The following ARMH1 variants were observed in gnomAD, a reference collection of about 807,000 sequenced individuals.
ARMH1 encodes the protein armadillo-like helical domain containing protein 1.
A neutral mutation model predicts 50.2 loss-of-function variants in ARMH1; 34 were observed. The observed-to-expected ratio is 0.68, with a 90% CI of 0.51 to 0.90. ARMH1 has a LOEUF of 0.90. ARMH1 is among the 40% of genes least tolerant of loss of function. The probability of loss-of-function intolerance (pLI) is 0.00; values close to 1 mark genes in which losing one functional copy is unlikely to be tolerated. For synonymous variants in ARMH1, 221 were observed against 224.2 expected (o/e 0.99, Z 0.13); for missense variants, 538 against 553.9 (o/e 0.97, Z 0.29).
In ARMH1 at chr1:44,704,068, T is replaced by C. The variant is rs755600906; in HGVS notation, c.640-21T>C. 6.5e-6 allele frequency: 10 copies of C among 1,536,446 alleles called. No homozygotes were observed. The South Asian group carries it at 1.2e-4, about 18-fold the overall frequency. On this transcript the variant is annotated intron_variant, in intron 5 of 11. Transcript: ENST00000535358. ...AAAAAAAAAAAGACTAACCACCTTG[T>C]CCTGTTGTCTGTCTGGTCAGCCAAT... is the stretch of plus-strand genomic sequence containing the variant.
At chr1:44,706,628 C>A (rs546322560) in intron 6 of ARMH1, among the ~76,000 whole-genome samples, 1 of 152,304 alleles carries the variant, frequency 6.6e-6, no homozygotes, top group East Asian at 1.9e-4. Flanking sequence ...GCATGTTATT[C>A]CTTCAGCAAC....
rs1419439771 is a variant in ARMH1 at position 44,725,326 on chromosome 1, ACT to A, written c.1251_1252del (p.Tyr418TrpfsTer80). The A allele has an allele frequency of 9.0e-6, 14 of 1,551,398 alleles. No individual in the cohort carries two copies. Among genetic ancestry groups the A allele is most frequent in the African/African-American group, 4.1e-5 (3 of 72,958 alleles). On this transcript the variant is annotated frameshift_variant, in exon 12 of 12. Transcript: ENST00000535358. LOFTEE classifies it low-confidence loss of function (END_TRUNC). ...CCATGGCAGCTCCTACAGCATGAAC[ACT>A]CTCTATGGCTCGCGCGATTCGGCTC... ...CLHGSSYSMNTLYGSRDSAQM... is the reference protein window; with the variant it reads ...CLHGSSYSMNXLYGSRDSAQM...
intron 1 of ARMH1, among the ~76,000 whole-genome samples, chr1:44,685,168 C>T (rs557074301): frequency 6.6e-6 from 1 of 152,260 alleles, no homozygotes; most frequent in South Asian, 2.1e-4. Context: ...TTAAAAAAGA[C>T]CTTCACCAAA....
At chr1:44,690,576 T>C (rs1645628428) in intron 2 of ARMH1, among the ~76,000 whole-genome samples, 1 of 152,208 alleles carries the variant, frequency 6.6e-6, no homozygotes, top group Non-Finnish European at 1.5e-5. Context: ...TCAGCATTTA[T>C]ATATGCTGAA....
chr1:44,701,657 A>G (rs1049051899), intron 5 of ARMH1, among the ~76,000 whole-genome samples: 1 of 152,158 alleles, frequency 6.6e-6, no homozygotes, highest in Admixed American at 6.5e-5. Flanking sequence ...GACCGGGTGC[A>G]GTGGCTCAGG....
chr1:44,723,845 G>T (rs1193795888), intron 6 of ARMH1: 1 of 377,802 alleles, frequency 2.6e-6, no homozygotes, highest in East Asian at 4.7e-5. Flanking sequence ...TTCCTCCAAG[G>T]CGAAGGCCCC....
intron 6 of ARMH1, among the ~76,000 whole-genome samples, chr1:44,706,020 A>T (rs371748251): frequency 6.6e-6 from 1 of 152,186 alleles, no homozygotes; most frequent in East Asian, 1.9e-4. Flanking sequence ...TGTCTAGGAA[A>T]GGTAGGCTAG....
chr1:44,707,565 G>T (rs1467221885), intron 6 of ARMH1, among the ~76,000 whole-genome samples: 1 of 152,106 alleles, frequency 6.6e-6, no homozygotes, highest in African/African-American at 2.4e-5. Flanking sequence ...AAGTAGCTGG[G>T]ACTACAGGCA....
At chr1:44,700,841 TC>T in intron 4 of ARMH1, 81 bp from the exon 5 acceptor site, 2 of 1,242,488 alleles carry the variant, frequency 1.6e-6, no homozygotes, top group Non-Finnish European at 2.2e-6. Flanking sequence ...GAGCTTTTAA[TC>T]CTATTCATAT....
chr1:44,711,151 A>G (rs1264511402), intron 6 of ARMH1, among the ~76,000 whole-genome samples: 4 of 152,204 alleles, frequency 2.6e-5, no homozygotes, highest in African/African-American at 2.4e-5. Flanking sequence ...CAGTGCTTCT[A>G]TGAACATCCA....
In ARMH1 at chr1:44,712,194, C is replaced by T. The variant is rs1646640475; in HGVS notation, c.724+8021C>T. Among the ~76,000 whole-genome samples the T allele has an allele frequency of 2.0e-5, 3 of 152,176 alleles. No homozygotes were observed. The South Asian group carries it at 6.2e-4, about 32-fold the overall frequency. ...TGAGACCTGGCTGGGCGCAGGGGCT[C>T]TCACCTGTAATCCCAGAACTTTGGG... On this transcript the variant is annotated intron_variant, in intron 6 of 11. Transcript: ENST00000535358.
At chr1:44,692,342 C>G (rs943259142) in intron 2 of ARMH1, among the ~76,000 whole-genome samples, 9 of 152,146 alleles carry the variant, frequency 5.9e-5, no homozygotes, top group Admixed American at 2.0e-4. Context: ...CTCAGGAAGC[C>G]CATTTCTGAG....
In ARMH1 at chr1:44,701,000, T is replaced by C; in HGVS notation, c.520T>C (p.Ser174Pro). Reference sequence around the variant, plus strand: ...GGAGGAAGTGCAGGTTCTGTTGGATTCTTTGGTCCACGGCAATCCCAAGTA... The same window carrying C: ...GGAGGAAGTGCAGGTTCTGTTGGATCCTTTGGTCCACGGCAATCCCAAGTA... The part of the protein sequence containing the change: ...TQEEVQVLLD[S>P]LVHGNPKYQN... Residue 174 changes from serine (S) to proline (P), a missense_variant, in exon 5 of 12, where the codon TCT becomes CCT. Ser to Pro is a moderately conservative substitution (Grantham distance 74). Coordinates refer to ENST00000535358, the MANE Select transcript of ARMH1 (RefSeq NM_001145636.2). 6.4e-7 allele frequency: 1 copy of C among 1,551,696 alleles called. No individual in the cohort carries two copies. The highest frequency in any genetic ancestry group is 8.7e-7 in the Non-Finnish European group (1 of 1,146,992).
At chr1:44,675,356 G>C (rs1270259724) in intron 1 of ARMH1, among the ~76,000 whole-genome samples, 1 of 152,142 alleles carries the variant, frequency 6.6e-6, no homozygotes, top group East Asian at 1.9e-4. Context: ...TTTAGAGATA[G>C]GGAGGGGGAA....
At chr1:44,714,984 G>A (rs1410061406) in intron 6 of ARMH1, among the ~76,000 whole-genome samples, 2 of 151,964 alleles carry the variant, frequency 1.3e-5, no homozygotes, top group Non-Finnish European at 2.9e-5. Context: ...GGGCTCAAGC[G>A]ATCCTCCCGC....
At chr1:44,701,411 T>C (rs1165760702) in intron 5 of ARMH1, among the ~76,000 whole-genome samples, 1 of 151,128 alleles carries the variant, frequency 6.6e-6, no homozygotes, top group Non-Finnish European at 1.5e-5. Flanking sequence ...ATTAAAGGAG[T>C]CGATTTGATA....
intron 6 of ARMH1, among the ~76,000 whole-genome samples, chr1:44,720,197 C>CAA (rs35873369): frequency 0.091 from 6,244 of 68,506 alleles, 445 homozygotes; most frequent in East Asian, 0.2. Context: ...AACTCTGTCT[C>CAA]AAAAAAAAAA....
At chr1:44,721,610 T>C (rs946048013) in intron 6 of ARMH1, among the ~76,000 whole-genome samples, 1 of 151,956 alleles carries the variant, frequency 6.6e-6, no homozygotes, top group Non-Finnish European at 1.5e-5. Flanking sequence ...GTACACAAAA[T>C]TAGACAGGCT....
chr1:44,708,689 A>G (rs1468401912), intron 6 of ARMH1, among the ~76,000 whole-genome samples: 3 of 152,178 alleles, frequency 2.0e-5, no homozygotes, highest in Non-Finnish European at 2.9e-5. Flanking sequence ...AGTGGGTGTC[A>G]GTGATGGAGG....
Sources: gnomAD v4.1 joint callset for allele counts (sites outside exome capture counted in the v4.1 genomes callset) on GRCh38, gnomAD v4.1.1 for gene constraint, MANE v1.5 for transcripts, NCBI Gene and HGNC (gene_info 2026-07-23, HGNC 2026-07-21) for gene names.